The following CDKN2B-AS1 variants were observed in gnomAD, a reference collection of about 807,000 sequenced individuals.
CDKN2B-AS1 encodes CDKN2B antisense RNA 1 (non-protein coding).
chr9:22,094,974 G>A lies in CDKN2B-AS1; in HGVS notation n.439-32129G>A, dbSNP rs536629810. On this transcript the variant is annotated intron_variant and non_coding_transcript_variant, in intron 4 of 4. Coordinates refer to ENST00000650946, the Ensembl canonical transcript of CDKN2B-AS1. ...ACCTTTGGTGTTTGATGATGGTGAC[G>A]TACAGATGGGGTTTTGGTGTGGATG... 9.8e-4 allele frequency among the ~76,000 whole-genome samples: 141 copies of A among 144,426 alleles called. 10 individuals are homozygous for A. In the South Asian group the frequency reaches 0.015, roughly 15 times the overall value. 94.7% of individuals were successfully genotyped at this position (144,426 alleles called of 152,430 possible). A position where few individuals can be genotyped will look rare whatever the true frequency, so the allele number is the denominator to read the frequency against.
Position 21,999,568 on chromosome 9 carries a change from A to T in CDKN2B-AS1, n.29+4407A>T, listed in dbSNP as rs1224223922. ...ATATATGGATAGATTTTACACCTAC[A>T]GACACATTTAGATATGTAACTTCAG... is the stretch of plus-strand genomic sequence containing the variant. On this transcript the variant is annotated intron_variant and non_coding_transcript_variant, in intron 1 of 4. Transcript: ENST00000650946. This position sits in a 1 kb window ranked among gnomAD's most constrained non-coding sequence, Gnocchi z 4.7. 6.6e-6 allele frequency among the ~76,000 whole-genome samples: 1 copy of T among 152,136 alleles called. No individual in the cohort carries two copies. The highest frequency in any genetic ancestry group is 1.5e-5 in the Non-Finnish European group (1 of 67,994).
chr9:22,034,461 G>C (rs1021217512), intron 1 of CDKN2B-AS1, among the ~76,000 whole-genome samples: 1 of 152,150 alleles, frequency 6.6e-6, no homozygotes, highest in African/African-American at 2.4e-5. Context: ...GTTAGGATTA[G>C]GGAAGAGATG....
intron 1 of CDKN2B-AS1, among the ~76,000 whole-genome samples, chr9:22,026,381 A>G (rs557033745): frequency 7.7e-4 from 118 of 152,266 alleles, no homozygotes; most frequent in Middle Eastern, 3.4e-3. Flanking sequence ...CAGTCTGGCC[A>G]CATTTTAATA....
At chr9:22,084,460 G>C (rs114221313) in intron 4 of CDKN2B-AS1, among the ~76,000 whole-genome samples, 2,092 of 152,258 alleles carry the variant, frequency 0.014, 39 homozygotes, top group African/African-American at 0.048. Context: ...AAGAGTTTGT[G>C]TACTTCCCAG....
At chr9:22,114,774 T>C (rs764538349) in intron 4 of CDKN2B-AS1, among the ~76,000 whole-genome samples, 11 of 152,218 alleles carry the variant, frequency 7.2e-5, no homozygotes, top group Non-Finnish European at 1.5e-5. Flanking sequence ...GCTGTCATAA[T>C]TACTATCAGA....
chr9:22,070,654 T>C (rs1266216240), intron 4 of CDKN2B-AS1, among the ~76,000 whole-genome samples: 1 of 152,194 alleles, frequency 6.6e-6, no homozygotes, highest in Non-Finnish European at 1.5e-5. Context: ...TGAAGGAAAC[T>C]ACCATCAGGC....
At chr9:22,075,448 T>G (rs906215995) in intron 4 of CDKN2B-AS1, among the ~76,000 whole-genome samples, 2 of 152,202 alleles carry the variant, frequency 1.3e-5, no homozygotes, top group East Asian at 3.8e-4. Flanking sequence ...GTAGGAAGGT[T>G]TCCTGTAAAA....
Position 22,056,020 on chromosome 9 carries a change from G to A in CDKN2B-AS1, n.303-232G>A, listed in dbSNP as rs77374215. ...TACAAAGTTGATAGCATTCTTGATG[G>A]GTCTTGAAGGTTACATAGATTTTTT... On this transcript the variant is annotated intron_variant and non_coding_transcript_variant, in intron 3 of 4. Coordinates refer to ENST00000650946, the Ensembl canonical transcript of CDKN2B-AS1. 3.6e-3 allele frequency among the ~76,000 whole-genome samples: 544 copies of A among 151,402 alleles called. 4 individuals are homozygous for A. In the East Asian group the frequency reaches 0.047, roughly 13 times the overall value.
intron 4 of CDKN2B-AS1, among the ~76,000 whole-genome samples, chr9:22,079,726 T>G (rs1411542602): frequency 6.6e-6 from 1 of 150,830 alleles, no homozygotes; most frequent in East Asian, 1.9e-4. Context: ...ATTTTCTTAC[T>G]CTTCTCTTGA....
At chr9:22,067,207 G>C (rs997027521) in intron 4 of CDKN2B-AS1, among the ~76,000 whole-genome samples, 5 of 151,884 alleles carry the variant, frequency 3.3e-5, no homozygotes, top group Admixed American at 2.6e-4. Context: ...AGAACTTAAA[G>C]TATAATAATA....
intron 3 of CDKN2B-AS1, among the ~76,000 whole-genome samples, chr9:22,049,750 C>G (rs1446076774): frequency 2.6e-5 from 4 of 152,120 alleles, no homozygotes; most frequent in Non-Finnish European, 5.9e-5. Context: ...ACACTTAAGG[C>G]ATCATGTATA....
intron 1 of CDKN2B-AS1, among the ~76,000 whole-genome samples, chr9:22,036,170 G>A (rs1345417247): frequency 6.6e-6 from 1 of 151,914 alleles, no homozygotes; most frequent in African/African-American, 2.4e-5. Flanking sequence ...ATAAAACGTG[G>A]GTCAAAATTC....
At chr9:22,079,991 C>T (rs1251138221) in intron 4 of CDKN2B-AS1, among the ~76,000 whole-genome samples, 1 of 152,228 alleles carries the variant, frequency 6.6e-6, no homozygotes, top group Admixed American at 6.5e-5. Flanking sequence ...ACAGAATCTG[C>T]CTGTTCATCA....
At chr9:22,013,594 G>C (rs1235063425) in intron 1 of CDKN2B-AS1, among the ~76,000 whole-genome samples, 1 of 152,102 alleles carries the variant, frequency 6.6e-6, no homozygotes, top group Non-Finnish European at 1.5e-5. Flanking sequence ...TGGGACTACA[G>C]GTGTTGGCCA....
At chr9:22,020,400 G>A (rs1207271379) in intron 1 of CDKN2B-AS1, among the ~76,000 whole-genome samples, 1 of 152,118 alleles carries the variant, frequency 6.6e-6, no homozygotes, top group Non-Finnish European at 1.5e-5. Flanking sequence ...CCCAGTAATG[G>A]GATTGCTGGG....
chr9:22,022,336 C>T (rs1474846931), intron 1 of CDKN2B-AS1, among the ~76,000 whole-genome samples: 1 of 151,424 alleles, frequency 6.6e-6, no homozygotes, highest in Non-Finnish European at 1.5e-5. Flanking sequence ...CTGGGTGTTC[C>T]TGTGTTGGGT....
At chr9:22,037,681 C>T (rs954878732) in intron 1 of CDKN2B-AS1, among the ~76,000 whole-genome samples, 13 of 152,122 alleles carry the variant, frequency 8.5e-5, no homozygotes, top group African/African-American at 3.1e-4. Context: ...CAGACTATGT[C>T]ACCACAAAGG....
At chr9:22,060,099 G>C (rs895235068) in intron 4 of CDKN2B-AS1, among the ~76,000 whole-genome samples, 1 of 152,182 alleles carries the variant, frequency 6.6e-6, no homozygotes, top group African/African-American at 2.4e-5. Context: ...TGGTCTCGGG[G>C]ATTAACATTA....
At chr9:22,002,985 T>G (rs1272401184) in intron 1 of CDKN2B-AS1, 2 of 200,274 alleles carry the variant, frequency 1.0e-5, no homozygotes, top group African/African-American at 4.6e-5. Context: ...CAAACCTTGG[T>G]AATGTCTTAG....
Sources: gnomAD v4.1 joint callset for allele counts (sites outside exome capture counted in the v4.1 genomes callset) on GRCh38, gnomAD v4.1.1 for gene constraint, Gnocchi (gnomAD v3.1) non-coding constraint, MANE v1.5 for transcripts, NCBI Gene and HGNC (gene_info 2026-07-23, HGNC 2026-07-21) for gene names.